Variants in ADD3 observed in about 807,000 individuals in gnomAD.
ADD3 encodes adducin 3.
Under a neutral mutation model 80.2 loss-of-function variants are expected in ADD3, and 25 were observed. The observed-to-expected ratio is 0.31, with a 90% confidence interval of 0.23 to 0.44. ADD3 has a LOEUF of 0.44. Ranked by LOEUF, ADD3 falls within the 20% of genes least tolerant of loss-of-function variation. The pLI is 1.00. For missense variants in ADD3, 829 were observed against 847.5 expected, an observed-to-expected ratio of 0.98 and a Z score of 0.27; for synonymous variants, 284 against 289.6, an observed-to-expected ratio of 0.98 and a Z score of 0.20.
intron 8 of ADD3, among the ~76,000 whole-genome samples, chr10:110,121,532 AT>A (rs1590216248): frequency 1.3e-5 from 2 of 152,200 alleles, no homozygotes; most frequent in East Asian, 3.8e-4. Flanking sequence ...GCAAATGGTA[AT>A]AATCTTAATT....
chr10:110,096,066 A>G (rs1848111679), intron 1 of ADD3, among the ~76,000 whole-genome samples: 1 of 152,152 alleles, frequency 6.6e-6, no homozygotes, highest in African/African-American at 2.4e-5. Flanking sequence ...ATACTGTAAT[A>G]TAGTTTTGCA....
chr10:110,111,363 A>G (rs1480014413), intron 2 of ADD3, among the ~76,000 whole-genome samples: 1 of 152,218 alleles, frequency 6.6e-6, no homozygotes, highest in Non-Finnish European at 1.5e-5. Context: ...CAAAAGAACA[A>G]ATGACAAACT....
intron 1 of ADD3, among the ~76,000 whole-genome samples, chr10:110,054,989 C>G (rs978306111): frequency 3.9e-5 from 6 of 152,098 alleles, no homozygotes; most frequent in Admixed American, 3.9e-4. Context: ...TTTTGAACTC[C>G]TGACCTCGTG....
At chr10:110,050,336 C>T (rs1481468349) in intron 1 of ADD3, among the ~76,000 whole-genome samples, 1 of 151,976 alleles carries the variant, frequency 6.6e-6, no homozygotes, top group African/African-American at 2.4e-5. Flanking sequence ...TTCCTCCATA[C>T]TATTCTTATG....
At chr10:110,089,117 A>G (rs1160586099) in intron 1 of ADD3, among the ~76,000 whole-genome samples, 1 of 152,190 alleles carries the variant, frequency 6.6e-6, no homozygotes, top group Non-Finnish European at 1.5e-5. Context: ...AGATTTGTAG[A>G]GTGGGTATGC....
intron 1 of ADD3, among the ~76,000 whole-genome samples, chr10:110,019,347 T>A (rs1309415282): frequency 1.3e-5 from 2 of 150,910 alleles, no homozygotes; most frequent in African/African-American, 5.0e-5. Context: ...AGCAAGTAAC[T>A]TTCTGTTTGC....
At chr10:110,125,036 G>C (rs1228946263) in intron 10 of ADD3, among the ~76,000 whole-genome samples, 1 of 152,182 alleles carries the variant, frequency 6.6e-6, no homozygotes, top group East Asian at 1.9e-4. Context: ...GGACACCACA[G>C]TTCTAGATAT....
chr10:110,081,305 G>A (rs1293895431), intron 1 of ADD3, among the ~76,000 whole-genome samples: 1 of 152,096 alleles, frequency 6.6e-6, no homozygotes, highest in African/African-American at 2.4e-5. Context: ...CCTTCTAGCA[G>A]CCAAGCACTG....
chr10:110,048,677 T>G (rs190608364), intron 1 of ADD3, among the ~76,000 whole-genome samples: 36 of 152,274 alleles, frequency 2.4e-4, no homozygotes, highest in African/African-American at 8.7e-4. Context: ...GAAAGATAAC[T>G]TAGGGTATCT....
intron 1 of ADD3, among the ~76,000 whole-genome samples, chr10:109,997,953 G>A (rs1044481154): frequency 6.6e-6 from 1 of 152,130 alleles, no homozygotes; most frequent in Non-Finnish European, 1.5e-5. Context: ...GAGAACTACT[G>A]AACCAGTCTC....
intron 1 of ADD3, among the ~76,000 whole-genome samples, chr10:110,068,685 A>AT (rs575052225): frequency 1.7e-3 from 260 of 152,176 alleles, no homozygotes; most frequent in African/African-American, 5.2e-3. Flanking sequence ...AGGCAAAAGG[A>AT]TTTTTTCTTT....
In ADD3 at chr10:110,126,430, A is replaced by G; in HGVS notation, c.1535A>G (p.Asn512Ser). The G allele has an allele frequency of 6.2e-7, 1 of 1,613,524 alleles. No homozygotes were observed. Among genetic ancestry groups the G allele is most frequent in the Non-Finnish European group, 8.5e-7 (1 of 1,179,850 alleles). Residue 512 changes from asparagine to serine, a missense_variant, in exon 12 of 15, where the codon AAT (asparagine) becomes AGT (serine). Transcript: ENST00000356080. ...TTTTCAATTCAGATTCGGGAACAAA[A>G]TCGATATGACTTGAAAACAGCAGGA... The part of the protein sequence containing the change: ...LEKRNKIREQ[N>S]RYDLKTAGPQ...
intron 1 of ADD3, among the ~76,000 whole-genome samples, chr10:110,079,995 C>G (rs553508225): frequency 2.6e-5 from 4 of 152,328 alleles, no homozygotes; most frequent in Admixed American, 2.0e-4. Context: ...TCTTCTCCTA[C>G]CTCCGTTTTG....
At chr10:110,123,543 T>TAAG (rs1851775984) in intron 9 of ADD3, among the ~76,000 whole-genome samples, 2 of 152,230 alleles carry the variant, frequency 1.3e-5, no homozygotes, top group Non-Finnish European at 2.9e-5. Flanking sequence ...AATTGGGTTC[T>TAAG]TCTCTTGTTA....
chr10:110,125,429 A>G (rs931625836), intron 10 of ADD3, among the ~76,000 whole-genome samples: 2 of 134,742 alleles, frequency 1.5e-5, no homozygotes, highest in Admixed American at 1.4e-4. Context: ...ATATTTCTTA[A>G]GTTTTTTTTT....
intron 1 of ADD3, among the ~76,000 whole-genome samples, chr10:110,082,814 A>C (rs966982256): frequency 1.8e-4 from 28 of 152,228 alleles, no homozygotes; most frequent in Non-Finnish European, 3.8e-4. Flanking sequence ...TCATATCTTC[A>C]CACTTTTTTT....
Position 110,034,209 on chromosome 10 carries a change from T to G in ADD3, c.-30+25910T>G, listed in dbSNP as rs11194962. ...TTTTGGAACTACTACAATTAAAATT[T>G]GTAGTTACAAATATCTCAGCCTAGG... On this transcript the variant is annotated intron_variant, in intron 1 of 14. Coordinates refer to ENST00000356080, the MANE Select transcript of ADD3 (RefSeq NM_016824.5). 4.7e-3 allele frequency among the ~76,000 whole-genome samples: 713 copies of G among 152,252 alleles called. 11 individuals are homozygous for G. Among genetic ancestry groups the G allele is most frequent in the African/African-American group, 0.016 (659 of 41,562 alleles).
At chr10:110,091,235 T>C (rs1847463938) in intron 1 of ADD3, among the ~76,000 whole-genome samples, 3 of 152,206 alleles carry the variant, frequency 2.0e-5, no homozygotes, top group African/African-American at 7.2e-5. Context: ...GCTGGATATA[T>C]CTTTAGGAAA....
intron 1 of ADD3, among the ~76,000 whole-genome samples, chr10:110,095,849 A>T (rs150905791): frequency 6.6e-6 from 1 of 152,182 alleles, no homozygotes; most frequent in East Asian, 1.9e-4. Flanking sequence ...AAAAAAGCCA[A>T]TCCCCAAAGG....
Sources: allele counts gnomAD v4.1 joint callset (sites outside exome capture counted in the v4.1 genomes callset), GRCh38; gene constraint gnomAD v4.1.1; transcripts MANE v1.5; gene names NCBI Gene and HGNC (gene_info 2026-07-23, HGNC 2026-07-21).